The following DMD variants were observed in gnomAD, a reference collection of about 807,000 sequenced individuals.
The protein encoded by DMD is mutant dystrophin.
In DMD, 63 loss-of-function variants were observed where a neutral mutation model predicts 330.1. That is an observed-to-expected ratio of 0.19 (90% CI 0.16 to 0.24). DMD has a LOEUF of 0.24. Among genes scored for constraint, DMD ranks in the 10% least tolerant of loss-of-function variants. The probability of loss-of-function intolerance (pLI) is 1.00; values close to 1 mark genes in which losing one functional copy is unlikely to be tolerated. For synonymous variants in DMD, 1,223 were observed against 959.8 expected, an observed-to-expected ratio of 1.27 and a Z score of -5.07; for missense variants, 3,344 against 2,684.1, an observed-to-expected ratio of 1.25 and a Z score of -5.43.
At chrX:32,612,001 G>A (rs1184243546) in intron 12 of DMD, among the ~76,000 whole-genome samples, 1 of 111,409 alleles carries the variant, frequency 9.0e-6, no homozygotes, top group African/African-American at 3.3e-5. Flanking sequence ...TCTAGTGGGA[G>A]AAGTTTGTCT....
intron 9 of DMD, among the ~76,000 whole-genome samples, chrX:32,660,755 G>A (rs893184270): frequency 4.5e-5 from 5 of 111,502 alleles, no homozygotes; most frequent in African/African-American, 1.3e-4. Context: ...CAGCATTTAT[G>A]TAACACTTGA....
intron 2 of DMD, among the ~76,000 whole-genome samples, chrX:32,926,048 A>T (rs1033081933): frequency 3.6e-5 from 4 of 112,199 alleles, no homozygotes; most frequent in Non-Finnish European, 5.6e-5. Context: ...ATTCAACCTA[A>T]ATGTCCATCA....
At chrX:32,369,911 T>G (rs896884872) in intron 34 of DMD, among the ~76,000 whole-genome samples, 6 of 111,327 alleles carry the variant, frequency 5.4e-5, no homozygotes, top group Non-Finnish European at 1.1e-4. Flanking sequence ...TTATTTTAGC[T>G]ATTCCTTTCT....
intron 76 of DMD, among the ~76,000 whole-genome samples, chrX:31,145,873 G>A (rs1159448694): frequency 1.8e-5 from 2 of 111,334 alleles, no homozygotes; most frequent in Non-Finnish European, 3.8e-5. Context: ...ATATTGGCCG[G>A]GCTGGTCTTC....
Position 32,470,671 on chromosome X carries a change from G to A in DMD, c.2949+1493C>T, listed in dbSNP as rs2040533273. Among the ~76,000 whole-genome samples, 3 of 110,932 alleles carry A rather than the reference G, an allele frequency of 2.7e-5. No homozygotes were observed. The South Asian group carries it at 1.1e-3, about 42-fold the overall frequency. On this transcript the variant is annotated intron_variant, in intron 22 of 78. Coordinates refer to ENST00000357033, the MANE Select transcript of DMD (RefSeq NM_004006.3). ...TCCAGATAGACTTTGGAATCATTAT[G>A]CCAAGCATTAAAAACCACAACAAAA...
intron 56 of DMD, among the ~76,000 whole-genome samples, chrX:31,497,169 TGA>T (rs2069953083): frequency 8.9e-6 from 1 of 112,443 alleles, no homozygotes; most frequent in African/African-American, 3.2e-5. Flanking sequence ...TGCAGAATGC[TGA>T]GACTTTTGGC....
rs1404451906 is a variant in DMD, at chrX:31,415,203, C to T, written c.9084+29278G>A. Reference sequence around the variant, plus strand: ...GAGTAAACAAAGGTTGATCCTAACTCCCAAACTTATTTTATTAATCATATA... The same window carrying T: ...GAGTAAACAAAGGTTGATCCTAACTTCCAAACTTATTTTATTAATCATATA... On this transcript the variant is annotated intron_variant, in intron 60 of 78. Transcript: ENST00000357033. Among the ~76,000 whole-genome samples the T allele has an allele frequency of 3.1e-4, 35 of 112,244 alleles. No individual in the cohort carries two copies. The Admixed American group carries it at 3.3e-3, about 11-fold the overall frequency.
intron 41 of DMD, among the ~76,000 whole-genome samples, chrX:32,340,553 C>A (rs1218173734): frequency 1.8e-5 from 2 of 111,240 alleles, no homozygotes; most frequent in East Asian, 5.6e-4. Context: ...GCATTAGCAA[C>A]TTGATTAGTT....
intron 2 of DMD, among the ~76,000 whole-genome samples, chrX:32,877,786 A>G (rs918084465): frequency 4.5e-5 from 5 of 111,942 alleles, no homozygotes; most frequent in African/African-American, 1.6e-4. Flanking sequence ...ACTGGAATAC[A>G]AAAGCCCAGC....
At chrX:32,723,393 G>A (rs182533485) in intron 7 of DMD, among the ~76,000 whole-genome samples, 49 of 110,651 alleles carry the variant, frequency 4.4e-4, no homozygotes, top group Non-Finnish European at 7.8e-4. Flanking sequence ...CTTCTCTTGC[G>A]GTGTCTGTTT....
intron 37 of DMD, among the ~76,000 whole-genome samples, chrX:32,356,007 A>C (rs1337143979): frequency 1.8e-5 from 2 of 110,881 alleles, no homozygotes; most frequent in Non-Finnish European, 3.8e-5. Context: ...GTTAAGTTAT[A>C]ATACGATCAG....
chrX:33,245,762 G>T (rs1248213755), intron 1 of DMD, among the ~76,000 whole-genome samples: 2 of 112,224 alleles, frequency 1.8e-5, no homozygotes, highest in African/African-American at 6.5e-5. Context: ...AGTTTTGCAT[G>T]ATTCCACATT....
chrX:32,686,119 A>G (rs771115406), intron 9 of DMD, among the ~76,000 whole-genome samples: 1 of 112,016 alleles, frequency 8.9e-6, no homozygotes, highest in Non-Finnish European at 1.9e-5. Flanking sequence ...TAACAAGTTT[A>G]TGTTGATTAA....
intron 7 of DMD, among the ~76,000 whole-genome samples, chrX:32,704,698 G>A (rs951395193): frequency 1.8e-5 from 2 of 111,854 alleles, no homozygotes; most frequent in African/African-American, 6.5e-5. Flanking sequence ...TCCCCACAGG[G>A]TTTGTATTAG....
chrX:32,233,498 T>A (rs2097175741), intron 43 of DMD, among the ~76,000 whole-genome samples: 1 of 104,149 alleles, frequency 9.6e-6, no homozygotes, highest in Non-Finnish European at 2.0e-5. Flanking sequence ...ACAAAATAAA[T>A]AGCTGCAGAT....
At chrX:31,753,751 A>G (rs2088808863) in intron 51 of DMD, among the ~76,000 whole-genome samples, 1 of 111,942 alleles carries the variant, frequency 8.9e-6, no homozygotes, top group South Asian at 3.7e-4. Context: ...CCAAAGAAAA[A>G]TTCTACACAA....
intron 16 of DMD, among the ~76,000 whole-genome samples, chrX:32,552,632 G>C (rs1285810623): frequency 8.9e-6 from 1 of 111,864 alleles, no homozygotes; most frequent in Non-Finnish European, 1.9e-5. Flanking sequence ...AGAGTAAACA[G>C]ACAACCTGCA....
At chrX:32,922,871 A>G (rs1300993364) in intron 2 of DMD, among the ~76,000 whole-genome samples, 1 of 112,263 alleles carries the variant, frequency 8.9e-6, no homozygotes, top group Non-Finnish European at 1.9e-5. Context: ...TTGGTATATA[A>G]ATCTTACACT....
At chrX:32,815,520 TACACACACACACACAC>T (rs1557051739) in intron 6 of DMD, among the ~76,000 whole-genome samples, 7 of 78,900 alleles carry the variant, frequency 8.9e-5, no homozygotes, top group African/African-American at 3.7e-4. Context: ...TATATATATA[TACACACACACACACAC>T]ATATATATAC....
Sources: allele counts gnomAD v4.1 joint callset (sites outside exome capture counted in the v4.1 genomes callset), GRCh38; gene constraint gnomAD v4.1.1; transcripts MANE v1.5; gene names NCBI Gene and HGNC (gene_info 2026-07-23, HGNC 2026-07-21).